The following CLSTN2 variants were observed in gnomAD, a reference collection of about 807,000 sequenced individuals.
CLSTN2 encodes calsyntenin-2.
A neutral mutation model predicts 101.2 loss-of-function variants in CLSTN2; 48 were observed. The observed-to-expected ratio is 0.47, with a 90% CI of 0.38 to 0.60. CLSTN2 has a LOEUF of 0.60. CLSTN2 is among the 20% of genes least tolerant of loss of function. CLSTN2 has a pLI of 0.00. For synonymous variants in CLSTN2, 481 were observed against 463.6 expected (o/e 1.04, Z -0.48); for missense variants, 1,160 against 1,238.2 (o/e 0.94, Z 0.95).
At chr3:140,471,907 T>C (rs1388739603) in intron 8 of CLSTN2, among the ~76,000 whole-genome samples, 1 of 152,234 alleles carries the variant, frequency 6.6e-6, no homozygotes, top group African/African-American at 2.4e-5. Context: ...CAAAATATTC[T>C]GCAGTCCACC....
chr3:140,201,834 G>A (rs1035357378), intron 2 of CLSTN2, among the ~76,000 whole-genome samples: 30 of 151,760 alleles, frequency 2.0e-4, no homozygotes, highest in East Asian at 5.8e-4. Context: ...GTGTGTGTGT[G>A]TATATATAAT....
intron 1 of CLSTN2, among the ~76,000 whole-genome samples, chr3:140,067,404 T>C (rs1437074961): frequency 2.0e-5 from 3 of 152,292 alleles, no homozygotes; most frequent in Middle Eastern, 3.4e-3. Flanking sequence ...AACTCCCCCA[T>C]GGTCTCTGCA....
chr3:140,252,916 G>A (rs2086576296), intron 2 of CLSTN2, among the ~76,000 whole-genome samples: 1 of 152,116 alleles, frequency 6.6e-6, no homozygotes, highest in African/African-American at 2.4e-5. Context: ...CTAGATCTGT[G>A]TGGCCAGTGT....
intron 2 of CLSTN2, among the ~76,000 whole-genome samples, chr3:140,286,725 A>C (rs2086898906): frequency 6.6e-6 from 1 of 152,106 alleles, no homozygotes; most frequent in Admixed American, 6.6e-5. Context: ...AGAAAGGAGG[A>C]GCCTGCTCCA....
intron 1 of CLSTN2, among the ~76,000 whole-genome samples, chr3:140,133,249 T>C (rs537555324): frequency 7.2e-5 from 11 of 152,252 alleles, no homozygotes; most frequent in African/African-American, 2.6e-4. Context: ...CATTACCATG[T>C]AGAGGGGACC....
intron 2 of CLSTN2, among the ~76,000 whole-genome samples, chr3:140,200,041 A>C (rs1297888453): frequency 6.6e-6 from 1 of 152,150 alleles, no homozygotes; most frequent in Admixed American, 6.5e-5. Context: ...TACCTCCTAC[A>C]AGGCCTTTAG....
intron 8 of CLSTN2, among the ~76,000 whole-genome samples, chr3:140,499,485 C>A (rs1576599790): frequency 6.6e-6 from 1 of 152,178 alleles, no homozygotes; most frequent in South Asian, 2.1e-4. Flanking sequence ...GCATTCTTTT[C>A]TTTTTCTGGG....
At chr3:140,342,288 A>T (rs1027259446) in intron 2 of CLSTN2, among the ~76,000 whole-genome samples, 1 of 151,916 alleles carries the variant, frequency 6.6e-6, no homozygotes, top group Admixed American at 6.6e-5. Context: ...CAATAGCACC[A>T]CTCCCTTAAG....
intron 2 of CLSTN2, among the ~76,000 whole-genome samples, chr3:140,252,421 G>T (rs1248950861): frequency 6.6e-6 from 1 of 152,170 alleles, no homozygotes; most frequent in Non-Finnish European, 1.5e-5. Flanking sequence ...GTGCTTGCTG[G>T]AAATGCAGAA....
intron 1 of CLSTN2, among the ~76,000 whole-genome samples, chr3:140,070,077 G>A (rs1380841723): frequency 1.3e-5 from 2 of 152,190 alleles, no homozygotes; most frequent in Admixed American, 6.5e-5. Flanking sequence ...GCCTGAGCAG[G>A]TCAGTGGCTC....
chr3:140,176,995 T>G (rs572068130), intron 2 of CLSTN2, among the ~76,000 whole-genome samples: 1 of 152,228 alleles, frequency 6.6e-6, no homozygotes, highest in Non-Finnish European at 1.5e-5. Context: ...TCTTTTGCAC[T>G]TCTAAGAGAT....
At chr3:140,543,953 T>C (rs956246018) in intron 9 of CLSTN2, among the ~76,000 whole-genome samples, 1 of 152,208 alleles carries the variant, frequency 6.6e-6, no homozygotes, top group Admixed American at 6.5e-5. Context: ...ATAATCTAAT[T>C]AGCTTGAACT....
At chr3:139,936,733 C>T (rs1935029393) in intron 1 of CLSTN2, among the ~76,000 whole-genome samples, 1 of 152,144 alleles carries the variant, frequency 6.6e-6, no homozygotes, top group Admixed American at 6.5e-5. Flanking sequence ...TAGAAACTGG[C>T]CCTCCAATAA....
In CLSTN2 at chr3:140,483,026, T is replaced by G. The variant is rs182656745; in HGVS notation, c.1344+16295T>G. On this transcript the variant is annotated intron_variant, in intron 8 of 16. Transcript: ENST00000458420. Reference sequence around the variant, plus strand: ...CTCTTGCTTCTCCAGTTCTTTTAATTGTGATGTTAGGGCGTCAATTTTAGA... The same window carrying G: ...CTCTTGCTTCTCCAGTTCTTTTAATGGTGATGTTAGGGCGTCAATTTTAGA... 1.3e-4 allele frequency among the ~76,000 whole-genome samples: 20 copies of G among 152,340 alleles called. No individual in the cohort carries two copies. The East Asian group carries it at 3.9e-3, about 29-fold the overall frequency.
intron 2 of CLSTN2, among the ~76,000 whole-genome samples, chr3:140,203,203 C>G (rs1165526339): frequency 6.6e-6 from 1 of 152,160 alleles, no homozygotes; most frequent in East Asian, 1.9e-4. Flanking sequence ...TCAAGTGCTG[C>G]TGCTAAGTCA....
chr3:140,495,128 G>T (rs534985117), intron 8 of CLSTN2, among the ~76,000 whole-genome samples: 53 of 152,246 alleles, frequency 3.5e-4, no homozygotes, highest in African/African-American at 1.2e-3. Flanking sequence ...AGCATCTGGT[G>T]TTTCTGGACT....
chr3:140,049,813 G>T (rs1199021253), intron 1 of CLSTN2, among the ~76,000 whole-genome samples: 19 of 152,208 alleles, frequency 1.2e-4, no homozygotes, highest in Admixed American at 1.0e-3. Context: ...GGAGCCCTTA[G>T]CTAGCATATC....
At chr3:140,068,840 C>T (rs2008344592) in intron 1 of CLSTN2, among the ~76,000 whole-genome samples, 1 of 152,160 alleles carries the variant, frequency 6.6e-6, no homozygotes, top group African/African-American at 2.4e-5. Context: ...CTGCATGAGA[C>T]AGACATGTAA....
At chr3:140,067,432 C>T (rs2008318141) in intron 1 of CLSTN2, among the ~76,000 whole-genome samples, 1 of 152,128 alleles carries the variant, frequency 6.6e-6, no homozygotes. Flanking sequence ...GCCGATATTG[C>T]CCCTGTAGCT....
Sources: gnomAD v4.1 joint callset for allele counts (sites outside exome capture counted in the v4.1 genomes callset) on GRCh38, gnomAD v4.1.1 for gene constraint, MANE v1.5 for transcripts, NCBI Gene and HGNC (gene_info 2026-07-23, HGNC 2026-07-21) for gene names.